Variants in TASP1 observed in about 807,000 individuals in gnomAD.
TASP1 encodes taspase 1.
A neutral mutation model predicts 56.6 loss-of-function variants in TASP1; 16 were observed. That is an observed-to-expected ratio of 0.28 (90% confidence interval 0.19 to 0.43). TASP1 has a LOEUF of 0.43. Among genes scored for constraint, TASP1 ranks in the 20% least tolerant of loss-of-function variants. The probability of loss-of-function intolerance (pLI) is 1.00; values close to 1 mark genes in which losing one functional copy is unlikely to be tolerated. For synonymous variants in TASP1, 179 were observed against 184.2 expected (o/e 0.97, Z 0.23); for missense variants, 393 against 511.6 (o/e 0.77, Z 2.24).
At chr20:13,560,229 G>A (rs974050830) in intron 7 of TASP1, among the ~76,000 whole-genome samples, 4 of 152,168 alleles carry the variant, frequency 2.6e-5, no homozygotes, top group Non-Finnish European at 5.9e-5. Flanking sequence ...GTTATTCAGA[G>A]TAATTATCCA....
At chr20:13,596,785 G>A (rs2047749638) in intron 4 of TASP1, among the ~76,000 whole-genome samples, 1 of 152,084 alleles carries the variant, frequency 6.6e-6, no homozygotes, top group South Asian at 2.1e-4. Context: ...TAGACTGCTA[G>A]CAACACTAAT....
the TASP1 span, among the ~76,000 whole-genome samples, chr20:13,204,348 C>T: frequency 1.3e-5 from 2 of 152,092 alleles, no homozygotes; most frequent in Admixed American, 1.3e-4. Context: ...TTTTCCTCTG[C>T]CATTTCCGGG....
At chr20:13,155,405 T>TA in the TASP1 span, among the ~76,000 whole-genome samples, 1 of 152,120 alleles carries the variant, frequency 6.6e-6, no homozygotes, top group Non-Finnish European at 1.5e-5. Flanking sequence ...AAAGTACCAA[T>TA]AAAAGAGGTT....
At chr20:13,295,562 A>T in the TASP1 span, among the ~76,000 whole-genome samples, 2 of 152,156 alleles carry the variant, frequency 1.3e-5, no homozygotes, top group Non-Finnish European at 2.9e-5. Flanking sequence ...GTCTGTGTCC[A>T]TTAGACACCT....
chr20:13,110,832 G>A, the TASP1 span, among the ~76,000 whole-genome samples: 6 of 152,056 alleles, frequency 3.9e-5, no homozygotes, highest in Admixed American at 1.3e-4. Context: ...CAATCCTGAC[G>A]TTAGGCAAAT....
At chr20:13,622,828 G>A (rs922437514) in intron 4 of TASP1, among the ~76,000 whole-genome samples, 2 of 152,120 alleles carry the variant, frequency 1.3e-5, no homozygotes, top group African/African-American at 2.4e-5. Context: ...GCAGCAAGTC[G>A]ATCTTCTGAA....
chr20:13,365,367 C>T, the TASP1 span, among the ~76,000 whole-genome samples: 1 of 152,060 alleles, frequency 6.6e-6, no homozygotes, highest in Non-Finnish European at 1.5e-5. Context: ...AAAAGATGGA[C>T]AATGAGCACC....
At chr20:13,178,432 G>A in the TASP1 span, among the ~76,000 whole-genome samples, 3 of 152,006 alleles carry the variant, frequency 2.0e-5, no homozygotes, top group East Asian at 1.9e-4. Flanking sequence ...ATCATTATAC[G>A]GAAGAGACAT....
At chr20:13,486,486 T>G (rs533004081) in intron 10 of TASP1, among the ~76,000 whole-genome samples, 1 of 152,306 alleles carries the variant, frequency 6.6e-6, no homozygotes, top group South Asian at 2.1e-4. Flanking sequence ...GAGGATGCTA[T>G]GAAACCAACT....
At chr20:13,424,227 G>A (rs1211265272) in intron 12 of TASP1, among the ~76,000 whole-genome samples, 1 of 152,080 alleles carries the variant, frequency 6.6e-6, no homozygotes, top group Non-Finnish European at 1.5e-5. Context: ...CTTTCAAAAT[G>A]TGTTATTAGT....
rs563324337 is a variant in TASP1, at chr20:13,545,385, T to C, written c.676-11244A>G. Among the ~76,000 whole-genome samples, 245 of 152,256 alleles carry C rather than the reference T, an allele frequency of 1.6e-3. 1 individual carries two copies. Among genetic ancestry groups the C allele is most frequent in the South Asian group, 3.9e-3 (19 of 4,832 alleles). ...CTAAATACCCAAAGCCTGTGTTTAG[T>C]TCAAATAGCCACAAGGATGGGCCAT... On this transcript the variant is annotated intron_variant, in intron 8 of 13. Transcript: ENST00000337743.
chr20:13,415,011 T>C (rs2042208644), intron 13 of TASP1, among the ~76,000 whole-genome samples: 1 of 152,110 alleles, frequency 6.6e-6, no homozygotes, highest in South Asian at 2.1e-4. Flanking sequence ...TGGCCTCAGT[T>C]TCTGAGTTTG....
the TASP1 span, among the ~76,000 whole-genome samples, chr20:13,348,726 C>A: frequency 6.6e-6 from 1 of 152,180 alleles, no homozygotes; most frequent in African/African-American, 2.4e-5. Flanking sequence ...GTCTTCAGGA[C>A]TTCCAGACAT....
intron 7 of TASP1, among the ~76,000 whole-genome samples, chr20:13,564,645 C>CA (rs1042415517): frequency 5.5e-5 from 8 of 146,610 alleles, no homozygotes; most frequent in East Asian, 2.0e-4. Context: ...ATCTTGGAAA[C>CA]AAAAAAAAAG....
At chr20:13,369,608 T>C in the TASP1 span, among the ~76,000 whole-genome samples, 84 of 152,308 alleles carry the variant, frequency 5.5e-4, no homozygotes, top group African/African-American at 1.8e-3. Context: ...CTCTCAGTAA[T>C]TTTTCATGAA....
At chr20:13,482,645 T>C (rs2043181359) in intron 11 of TASP1, among the ~76,000 whole-genome samples, 1 of 152,190 alleles carries the variant, frequency 6.6e-6, no homozygotes, top group African/African-American at 2.4e-5. Flanking sequence ...TTGATGAGCA[T>C]CTAGTTTTCT....
chr20:13,331,593 G>T, the TASP1 span, among the ~76,000 whole-genome samples: 1 of 151,784 alleles, frequency 6.6e-6, no homozygotes, highest in African/African-American at 2.4e-5. Flanking sequence ...CCTGTGATTT[G>T]TGCTATATAA....
At chr20:13,172,990 C>G in the TASP1 span, among the ~76,000 whole-genome samples, 7 of 152,258 alleles carry the variant, frequency 4.6e-5, no homozygotes, top group South Asian at 1.5e-3. Flanking sequence ...GTTTCAGGGA[C>G]CCAGGCTATT....
chr20:13,318,452 T>C, the TASP1 span, among the ~76,000 whole-genome samples: 1 of 152,220 alleles, frequency 6.6e-6, no homozygotes, highest in Non-Finnish European at 1.5e-5. Flanking sequence ...ACGCTTACCA[T>C]AGGATCCAAC....
Sources: gnomAD v4.1 joint callset for allele counts (sites outside exome capture counted in the v4.1 genomes callset) on GRCh38, gnomAD v4.1.1 for gene constraint, MANE v1.5 for transcripts, NCBI Gene and HGNC (gene_info 2026-07-23, HGNC 2026-07-21) for gene names.